ATP11B: variants seen among roughly 807,000 people sequenced by gnomAD.
ATP11B encodes phospholipid-transporting ATPase IF.
ATP11B carries 81 observed loss-of-function variants against 157.8 expected under a neutral mutation model. That is an observed-to-expected ratio of 0.51 (90% CI 0.43 to 0.62). The LOEUF is 0.62. Ranked by LOEUF, ATP11B falls within the 20% of genes least tolerant of loss-of-function variation. The probability of loss-of-function intolerance (pLI) is 0.00; values close to 1 mark genes in which losing one functional copy is unlikely to be tolerated. For synonymous variants in ATP11B, 451 were observed against 469.4 expected, an observed-to-expected ratio of 0.96 and a Z score of 0.51; for missense variants, 1,165 against 1,402.2, an observed-to-expected ratio of 0.83 and a Z score of 2.70.
intron 7 of ATP11B, among the ~76,000 whole-genome samples, chr3:182,838,502 T>G (rs1000849646): frequency 5.3e-5 from 8 of 152,088 alleles, no homozygotes; most frequent in Non-Finnish European, 1.2e-4. Flanking sequence ...GAAGTATGTG[T>G]TTTGTTTTAA....
At chr3:182,811,839 A>C (rs1716686227) in intron 1 of ATP11B, among the ~76,000 whole-genome samples, 1 of 152,182 alleles carries the variant, frequency 6.6e-6, no homozygotes, top group Non-Finnish European at 1.5e-5. Context: ...TAAACATTAA[A>C]AATGTTTATG....
chr3:182,881,515 C>T (rs1263111907), intron 21 of ATP11B, among the ~76,000 whole-genome samples: 1 of 151,528 alleles, frequency 6.6e-6, no homozygotes, highest in African/African-American at 2.4e-5. Context: ...GCACTCCAGC[C>T]TGGGCGACAG....
At chr3:182,798,272 G>A (rs1388157074) in intron 1 of ATP11B, among the ~76,000 whole-genome samples, 1 of 152,192 alleles carries the variant, frequency 6.6e-6, no homozygotes, top group Non-Finnish European at 1.5e-5. Flanking sequence ...CAAGACAGCA[G>A]TTGGCCCATT....
intron 17 of ATP11B, among the ~76,000 whole-genome samples, chr3:182,872,129 T>C (rs1721710599): frequency 6.6e-6 from 1 of 152,198 alleles, no homozygotes; most frequent in East Asian, 1.9e-4. Flanking sequence ...TTGAGCAACT[T>C]CTTAAGAAAA....
At position 182,879,540 on chromosome 3, in the gene ATP11B, G is replaced by C. The variant is rs1289147583; in HGVS notation, c.2297G>C (p.Gly766Ala). 3 of 1,613,270 alleles carry C rather than the reference G, an allele frequency of 1.9e-6. No homozygotes were observed. The highest frequency in any genetic ancestry group is 2.5e-6 in the Non-Finnish European group (3 of 1,179,676). Reference sequence around the variant, plus strand: ...ATTCAGCATGGGCTGGTAGTGGATGGGACCAGCCTATCTCTTGCACTCAGG... The same window carrying C: ...ATTCAGCATGGGCTGGTAGTGGATGCGACCAGCCTATCTCTTGCACTCAGG... ...HVIQHGLVVD[G>A]TSLSLALREH... The change falls in exon 20 of 30, where the codon GGG becomes GCG. Residue 766 changes from glycine to alanine, a missense_variant. Coordinates refer to ENST00000323116, the MANE Select transcript of ATP11B (RefSeq NM_014616.3).
chr3:182,803,975 A>G (rs1208361168), intron 1 of ATP11B, among the ~76,000 whole-genome samples: 1 of 150,594 alleles, frequency 6.6e-6, no homozygotes, highest in Non-Finnish European at 1.5e-5. Flanking sequence ...GGCAGGCAGA[A>G]CCCCCACCTT....
intron 1 of ATP11B, among the ~76,000 whole-genome samples, chr3:182,812,551 A>AT (rs942272627): frequency 6.6e-6 from 1 of 152,128 alleles, no homozygotes; most frequent in Non-Finnish European, 1.5e-5. Flanking sequence ...TTACACATTT[A>AT]TTTTTATCAT....
chr3:182,878,515 G>T (rs796635538), intron 19 of ATP11B, among the ~76,000 whole-genome samples: 15 of 152,294 alleles, frequency 9.8e-5, no homozygotes, highest in African/African-American at 3.4e-4. Flanking sequence ...AATTGTGGGG[G>T]GAAGCAGTTT....
intron 29 of ATP11B, chr3:182,915,214 A>G: frequency 1.0e-6 from 1 of 985,368 alleles, no homozygotes; most frequent in Non-Finnish European, 1.2e-6. Flanking sequence ...TGCCTTTATG[A>G]TACAATTGAA....
rs933300581 is a variant in ATP11B at position 182,913,878 on chromosome 3, A to G, written c.3336A>G (p.Ala1112=). The change falls in exon 29 of 30, where the codon GCA becomes GCG. Residue 1112 remains alanine (A), a synonymous_variant. Coordinates refer to ENST00000323116, the MANE Select transcript of ATP11B (RefSeq NM_014616.3). ...TCCCGCAGCTTACTGAAACAAATGC[A>G]GGTATCAAGTGCTTGGACTCCATGT... is the stretch of plus-strand genomic sequence containing the variant. ...TEKAQLTETN[A]GIKCLDSMCC... is the part of the protein sequence containing the mutation. 4 of 1,614,012 alleles carry G rather than the reference A, an allele frequency of 2.5e-6. No homozygotes were observed. Among genetic ancestry groups the G allele is most frequent in the East Asian group, 4.5e-5 (2 of 44,906 alleles).
chr3:182,897,205 A>G (rs1239811795), intron 26 of ATP11B, 98 bp from the exon 27 acceptor site: 4 of 642,312 alleles, frequency 6.2e-6, no homozygotes, highest in African/African-American at 1.9e-5. Flanking sequence ...CTTCTGAGAG[A>G]CTTTTAGATA....
rs183672193 is a variant in ATP11B, at chr3:182,830,092, C to T, written c.315+340C>T. The T allele has an allele frequency of 2.4e-5, 9 of 376,412 alleles. No homozygotes were observed. The South Asian group carries it at 9.8e-4, about 41-fold the overall frequency. The allele number at this position is 376,412 out of a possible 1,614,324, so 23.3% of individuals were successfully genotyped here. ...AGTTTGGTGATATTTAAAGGAAATA[C>T]AATTCAAAAGAGATATGTTTATAGA... is the stretch of plus-strand genomic sequence containing the variant. On this transcript the variant is annotated intron_variant, in intron 4 of 29. Transcript: ENST00000323116.
rs1048487622 is a variant in ATP11B, at chr3:182,814,038, T to C, written c.28-6222T>C. 3.9e-5 allele frequency among the ~76,000 whole-genome samples: 6 copies of C among 152,052 alleles called. 1 individual carries two copies. Among genetic ancestry groups the C allele is most frequent in the Admixed American group, 3.9e-4 (6 of 15,248 alleles). On this transcript the variant is annotated intron_variant, in intron 1 of 29. Coordinates refer to ENST00000323116, the MANE Select transcript of ATP11B (RefSeq NM_014616.3). ...ACCACGCCTGACTGACATTTATTTT[T>C]AGTGATATTTTATATTTATTTATTT...
chr3:182,893,445 G>GT (rs1200449313), intron 25 of ATP11B, among the ~76,000 whole-genome samples: 1 of 152,054 alleles, frequency 6.6e-6, no homozygotes, highest in African/African-American at 2.4e-5. Flanking sequence ...AAGATGTTTG[G>GT]TTTTCTATTC....
intron 7 of ATP11B, among the ~76,000 whole-genome samples, chr3:182,838,136 A>G (rs1718699026): frequency 1.3e-5 from 2 of 151,930 alleles, no homozygotes; most frequent in South Asian, 4.1e-4. Context: ...GGTTTTCTCT[A>G]TGTGATGTTA....
At chr3:182,891,967 G>A (rs1723204199) in intron 25 of ATP11B, among the ~76,000 whole-genome samples, 1 of 152,128 alleles carries the variant, frequency 6.6e-6, no homozygotes, top group South Asian at 2.1e-4. Flanking sequence ...AAGCATAGTG[G>A]CTAGCATATA....
At chr3:182,813,236 A>G (rs1442330204) in intron 1 of ATP11B, among the ~76,000 whole-genome samples, 1 of 152,180 alleles carries the variant, frequency 6.6e-6, no homozygotes, top group Non-Finnish European at 1.5e-5. Flanking sequence ...TATACCCAGA[A>G]GTAGAATTGC....
chr3:182,841,824 A>G (rs1236423364), intron 7 of ATP11B, among the ~76,000 whole-genome samples: 1 of 150,506 alleles, frequency 6.6e-6, no homozygotes, highest in Non-Finnish European at 1.5e-5. Flanking sequence ...TGAAAATACA[A>G]AAAAATTAGC....
Position 182,828,103 on chromosome 3 carries a change from G to T in ATP11B, c.145-17G>T. The T allele has an allele frequency of 2.6e-6, 3 of 1,153,492 alleles. No homozygotes were observed. The highest frequency in any genetic ancestry group is 1.8e-5 in the South Asian group (1 of 57,036). 71.5% of individuals were successfully genotyped at this position (1,153,492 alleles called of 1,614,324 possible). A position where few individuals can be genotyped will look rare whatever the true frequency, so the allele number is the denominator to read the frequency against. The stretch of plus-strand genomic sequence containing the variant: ...TATTATTTTTAAATATTAATTTATT[G>T]ATCTCTTTCTTTTTAGTACACTGTG... On this transcript the variant is annotated splice_polypyrimidine_tract_variant and intron_variant, in intron 2 of 29. Transcript: ENST00000323116.
Sources: allele counts gnomAD v4.1 joint callset (sites outside exome capture counted in the v4.1 genomes callset), GRCh38; gene constraint gnomAD v4.1.1; transcripts MANE v1.5; gene names NCBI Gene and HGNC (gene_info 2026-07-23, HGNC 2026-07-21).